Variants in CREBBP observed in about 807,000 individuals in gnomAD.
CREBBP encodes the protein CREB binding lysine acetyltransferase, also known as CREB-binding protein.
A neutral mutation model predicts 265.0 loss-of-function variants in CREBBP; 19 were observed. The ratio of observed to expected loss-of-function variants is 0.07; its 90% CI spans 0.05 to 0.11. CREBBP has a LOEUF of 0.11. Ranked by LOEUF, CREBBP falls within the 10% of genes least tolerant of loss-of-function variation. The pLI, the probability that CREBBP is intolerant of heterozygous loss-of-function variation, is 1.00. For missense variants in CREBBP, 2,525 were observed against 3,219.0 expected, an observed-to-expected ratio of 0.78 and a Z score of 5.22; for synonymous variants, 1,457 against 1,223.7, an observed-to-expected ratio of 1.19 and a Z score of -3.98.
At chr16:3,812,729 C>A (rs539858864) in intron 2 of CREBBP, among the ~76,000 whole-genome samples, 11 of 152,122 alleles carry the variant, frequency 7.2e-5, no homozygotes, top group East Asian at 1.9e-4. Context: ...TGTGGAGAAA[C>A]AACGACTAAT....
At chr16:3,790,366 C>CTTTTTTTT (rs57582399) in intron 5 of CREBBP, among the ~76,000 whole-genome samples, 1 of 66,588 alleles carries the variant, frequency 1.5e-5, no homozygotes, top group Non-Finnish European at 2.7e-5. Context: ...AGGAAACTGG[C>CTTTTTTTT]TTTTTTTTTT....
Position 3,736,636 on chromosome 16 carries a change from T to C in CREBBP, c.4560+14A>G, listed in dbSNP as rs200934101. 348 of 1,614,204 alleles carry C rather than the reference T, an allele frequency of 2.2e-4. 2 individuals are homozygous for C. The Middle Eastern group carries it at 7.1e-3, about 33-fold the overall frequency. On this transcript the variant is annotated intron_variant, in intron 27 of 30. Transcript: ENST00000262367. ...TTGTGACAAAAGCCACCACCTTCCT[T>C]CAGCGCCGGGTACCTTGTAGTCATG...
At chr16:3,794,704 T>C (rs1460223755) in intron 3 of CREBBP, among the ~76,000 whole-genome samples, 1 of 152,228 alleles carries the variant, frequency 6.6e-6, no homozygotes, top group Admixed American at 6.5e-5. Flanking sequence ...AACAAACCTT[T>C]TAACAGCAAG....
At position 3,751,726 on chromosome 16, in the gene CREBBP, G is replaced by A. The variant is rs777015995; in HGVS notation, c.3779C>T (p.Thr1260Met). 5 of 1,614,016 alleles carry A rather than the reference G, an allele frequency of 3.1e-6. No homozygotes were observed. The highest frequency in any genetic ancestry group is 3.4e-6 in the Non-Finnish European group (4 of 1,179,890). Residue 1260 changes from threonine (T) to methionine (M), a missense_variant and splice_region_variant, in exon 20 of 31, where the codon ACG (threonine) becomes ATG (methionine). Physicochemically the swap from Thr to Met is moderately conservative, Grantham distance 81 (BLOSUM62 -1). Around this residue, in one of 19 missense-constraint regions of CREBBP, gnomAD observed 252 missense variants for 452.5 expected, o/e 0.56. Transcript: ENST00000262367. The stretch of plus-strand genomic sequence containing the variant: ...GAGAAAATGACAGGACGGTACTTAC[G>A]TCTGGGGCTGTGAAGGGTCGTCACC... ...TLGDDPSQPQ[T>M]TISKDQFEKK...
rs186319606 is a variant in CREBBP at position 3,739,336 on chromosome 16, T to A, written c.4280+242A>T. 3.7e-5 allele frequency: 20 copies of A among 545,436 alleles called. No homozygotes were observed. The East Asian group carries it at 6.5e-4, about 18-fold the overall frequency. The allele number at this position is 545,436 out of a possible 1,614,324, so 33.8% of individuals were successfully genotyped here. A position where few individuals can be genotyped will look rare whatever the true frequency, so the allele number is the denominator to read the frequency against. On this transcript the variant is annotated intron_variant, in intron 25 of 30. Coordinates refer to ENST00000262367, the MANE Select transcript of CREBBP (RefSeq NM_004380.3). ...CCCAACTCCCCAGGTTTACCTGCGT[T>A]AGGTAAGAGCGGGTCCCACACAGAC...
At chr16:3,876,421 A>AAAAAAAAAAAAAAAAAAAAC (rs1567382924) in intron 1 of CREBBP, among the ~76,000 whole-genome samples, 7 of 149,862 alleles carry the variant, frequency 4.7e-5, no homozygotes, top group African/African-American at 7.4e-5. Context: ...AAAAAAAAAA[A>AAAAAAAAAAAAAAAAAAAAC]AAAAACAACC....
At chr16:3,759,609 T>C (rs970429195) in intron 16 of CREBBP, among the ~76,000 whole-genome samples, 2 of 134,480 alleles carry the variant, frequency 1.5e-5, no homozygotes, top group African/African-American at 7.3e-5. Context: ...GACCATTTCA[T>C]TGGAAGGGAC....
intron 2 of CREBBP, among the ~76,000 whole-genome samples, chr16:3,844,522 T>C (rs77977117): frequency 1.3e-5 from 2 of 152,302 alleles, no homozygotes; most frequent in African/African-American, 4.8e-5. Flanking sequence ...TTAAAAGAAA[T>C]ATACTACTGA....
chr16:3,746,604 C>T (rs1301193515), intron 21 of CREBBP, among the ~76,000 whole-genome samples: 2 of 152,160 alleles, frequency 1.3e-5, no homozygotes, highest in African/African-American at 4.8e-5. Flanking sequence ...CCAAAGGTCC[C>T]CTGCTCTCAA....
At chr16:3,778,591 T>A in intron 9 of CREBBP, 109 bp downstream of exon 9, 1 of 962,132 alleles carries the variant, frequency 1.0e-6, no homozygotes, top group Non-Finnish European at 1.7e-6. Flanking sequence ...AGGGGAGGAG[T>A]CTGTCCCAAC....
In CREBBP at chr16:3,792,857, C is replaced by G. The variant is rs543778837; in HGVS notation, c.1216+529G>C. Among the ~76,000 whole-genome samples, 379 of 152,320 alleles carry G rather than the reference C, an allele frequency of 2.5e-3. 1 individual carries two copies. The highest frequency in any genetic ancestry group is 4.1e-3 in the Non-Finnish European group (280 of 68,042). On this transcript the variant is annotated intron_variant, in intron 4 of 30. Coordinates refer to ENST00000262367, the MANE Select transcript of CREBBP (RefSeq NM_004380.3). ...GTGAAGTGCCTAGTTCACCACCCCC[C>G]CTGGGATGATACAGTGCATAGTTCC...
At chr16:3,801,176 C>A (rs943064623) in intron 3 of CREBBP, among the ~76,000 whole-genome samples, 1 of 152,198 alleles carries the variant, frequency 6.6e-6, no homozygotes, top group East Asian at 1.9e-4. Flanking sequence ...CCCAATCCTG[C>A]AGCTCTCTGT....
At chr16:3,825,534 G>A (rs2054220549) in intron 2 of CREBBP, among the ~76,000 whole-genome samples, 1 of 152,056 alleles carries the variant, frequency 6.6e-6, no homozygotes, top group African/African-American at 2.4e-5. Context: ...TAAGTGGAGG[G>A]CTCTGGACAC....
chr16:3,849,427 GTGTGTGTGTGTGTGTGTGTGTGTGT>G (rs1567360134), intron 2 of CREBBP, among the ~76,000 whole-genome samples: 524 of 16,338 alleles, frequency 0.032, 13 homozygotes, highest in Non-Finnish European at 0.063. Flanking sequence ...GTGTGTGTGT[GTGTGTGTGTGTGTGTGTGTGTGTGT>G]GTGTGTGTGT....
chr16:3,795,065 C>G (rs1414543910), intron 3 of CREBBP, among the ~76,000 whole-genome samples: 1 of 152,048 alleles, frequency 6.6e-6, no homozygotes, highest in Non-Finnish European at 1.5e-5. Context: ...TTTATGAGAA[C>G]TAGAAAATAA....
At position 3,727,754 on chromosome 16, in the gene CREBBP, C is replaced by T. The variant is rs587783514; in HGVS notation, c.7293G>A (p.Thr2431=). The change falls in exon 31 of 31, where the codon ACG becomes ACA. Residue 2431 remains threonine (T), a synonymous_variant. Transcript: ENST00000262367. The stretch of plus-strand genomic sequence containing the variant: ...CCACAAACTTCTCTAGCGTGTCCCC[C>T]GTGGTGTCCCCGACCAGGGACAGTT... ...SSELSLVGDT[T]GDTLEKFVEG... 3.0e-5 allele frequency: 49 copies of T among 1,614,026 alleles called. No individual in the cohort carries two copies. The highest frequency in any genetic ancestry group is 4.0e-5 in the African/African-American group (3 of 74,918).
intron 12 of CREBBP, 90 bp from the exon 13 acceptor site, chr16:3,774,020 AC>A: frequency 1.4e-6 from 2 of 1,410,946 alleles, no homozygotes; most frequent in Non-Finnish European, 1.0e-6. Flanking sequence ...AGGCTTCACA[AC>A]CCCAGAGGAT....
rs61754522 is a variant in CREBBP at position 3,778,787 on chromosome 16, G to A, written c.1854C>T (p.Pro618=). 32 of 1,613,858 alleles carry A rather than the reference G, an allele frequency of 2.0e-5. No individual in the cohort carries two copies. Among genetic ancestry groups the A allele is most frequent in the African/African-American group, 5.3e-5 (4 of 74,896 alleles). The part of the protein sequence containing the change: ...LVQAIFPTPD[P]AALKDRRMEN... ...CCATGCGGCGATCCTTTAGAGCTGC[G>A]GGATCAGGTGTTGGGAAGATGGCTT... is the stretch of plus-strand genomic sequence containing the variant. Residue 618 remains proline (P), a synonymous_variant, in exon 9 of 31, where the codon CCC becomes CCT. Transcript: ENST00000262367.
chr16:3,822,424 A>G (rs1240835490), intron 2 of CREBBP, among the ~76,000 whole-genome samples: 1 of 152,238 alleles, frequency 6.6e-6, no homozygotes, highest in East Asian at 1.9e-4. Context: ...AGGAGAAAGA[A>G]AGATGACATT....
Sources: allele counts gnomAD v4.1 joint callset (sites outside exome capture counted in the v4.1 genomes callset), GRCh38; gene constraint gnomAD v4.1.1; regional missense constraint gnomAD v4.1.1; transcripts MANE v1.5; gene names NCBI Gene and HGNC (gene_info 2026-07-23, HGNC 2026-07-21).